PLCXD2: variants seen among roughly 807,000 people sequenced by gnomAD.
PLCXD2 encodes phosphatidylinositol specific phospholipase C X domain containing 2, also known as PI-PLC X domain-containing protein 2.
PLCXD2 carries 21 observed loss-of-function variants against 28.6 expected under a neutral mutation model. The ratio of observed to expected loss-of-function variants is 0.73; its 90% confidence interval spans 0.52 to 1.06. The LOEUF (loss-of-function observed/expected upper bound fraction) is 1.06. Among genes scored for constraint, PLCXD2 ranks in the 50% least tolerant of loss-of-function variants. The pLI, the probability that PLCXD2 is intolerant of heterozygous loss-of-function variation, is 0.00. For missense variants in PLCXD2, 369 were observed against 376.7 expected, an observed-to-expected ratio of 0.98 and a Z score of 0.17; for synonymous variants, 140 against 150.1, an observed-to-expected ratio of 0.93 and a Z score of 0.49.
At chr3:111,708,458 T>C (rs745353135) in intron 2 of PLCXD2, 72 bp downstream of exon 2, 50 of 1,388,090 alleles carry the variant, frequency 3.6e-5, no homozygotes, top group Admixed American at 6.2e-5. Context: ...TATTGCCGTC[T>C]GTAAAATCAC....
intron 3 of PLCXD2, among the ~76,000 whole-genome samples, chr3:111,716,984 C>T (rs1941275180): frequency 6.6e-6 from 1 of 152,066 alleles, no homozygotes; most frequent in Non-Finnish European, 1.5e-5. Flanking sequence ...GGACAGAGGC[C>T]TCAGGAGACA....
rs541493811 is a variant in PLCXD2, at chr3:111,693,585, G to A, written c.164-14341G>A. Among the ~76,000 whole-genome samples, 4 of 152,192 alleles carry A rather than the reference G, an allele frequency of 2.6e-5. No individual in the cohort carries two copies. In the South Asian group the frequency reaches 8.3e-4, roughly 32 times the overall value. ...AGTATCTGTGAAATGCTGTATTCCT[G>A]GTGTTCATCTCATTTTCTACTTCAT... On this transcript the variant is annotated intron_variant, in intron 1 of 4. Transcript: ENST00000477665.
intron 3 of PLCXD2, chr3:111,722,196 T>C (rs1264418174): frequency 9.2e-5 from 14 of 151,718 alleles, no homozygotes; most frequent in African/African-American, 2.4e-4. Context: ...TATTTATTTA[T>C]TTATTTATTT....
At chr3:111,706,147 C>G (rs1941115000) in intron 1 of PLCXD2, among the ~76,000 whole-genome samples, 1 of 152,180 alleles carries the variant, frequency 6.6e-6, no homozygotes, top group Non-Finnish European at 1.5e-5. Flanking sequence ...TCATGAGCTA[C>G]CATGCCCATC....
intron 1 of PLCXD2, among the ~76,000 whole-genome samples, chr3:111,689,534 C>T (rs971124858): frequency 6.6e-6 from 1 of 152,184 alleles, no homozygotes; most frequent in Non-Finnish European, 1.5e-5. Flanking sequence ...CGCTTTGCCT[C>T]GCCAATTACA....
At chr3:111,713,190 A>C (rs1185431331) in intron 2 of PLCXD2, among the ~76,000 whole-genome samples, 2 of 152,282 alleles carry the variant, frequency 1.3e-5, no homozygotes, top group African/African-American at 4.8e-5. Context: ...GCTCAGCCTA[A>C]GAGTTCTCAG....
chr3:111,676,893 T>C (rs1045973633), intron 1 of PLCXD2: 2 of 152,336 alleles, frequency 1.3e-5, no homozygotes, highest in African/African-American at 4.8e-5. Context: ...TCCTTCCTTG[T>C]TGTACTTTGG....
chr3:111,704,724 C>G (rs1941092745), intron 1 of PLCXD2, among the ~76,000 whole-genome samples: 1 of 152,172 alleles, frequency 6.6e-6, no homozygotes, highest in Non-Finnish European at 1.5e-5. Flanking sequence ...ATCCTCTCTT[C>G]TAGCTCTTTG....
chr3:111,724,484 T>C (rs907277052), intron 3 of PLCXD2: 3 of 152,286 alleles, frequency 2.0e-5, no homozygotes, highest in Admixed American at 1.3e-4. Flanking sequence ...TAGTAGAGTA[T>C]TCTGGAATTA....
At chr3:111,713,003 TCTCCCCTGACTCAAGTGGCACA>T (rs1941222091) in intron 2 of PLCXD2, among the ~76,000 whole-genome samples, 2 of 152,080 alleles carry the variant, frequency 1.3e-5, no homozygotes, top group Non-Finnish European at 2.9e-5. Flanking sequence ...CTCTGCAAAG[TCTCCCCTGACTCAAGTGGCACA>T]CTCCCCACTC....
chr3:111,702,929 A>C, intron 1 of PLCXD2, among the ~76,000 whole-genome samples: 1 of 152,216 alleles, frequency 6.6e-6, no homozygotes. Flanking sequence ...TGCAGATTAC[A>C]TGGTTTATAA....
intron 3 of PLCXD2, chr3:111,724,945 A>G (rs1203702147): frequency 2.6e-5 from 4 of 152,202 alleles, no homozygotes; most frequent in East Asian, 1.9e-4. Flanking sequence ...CTCCCCAATC[A>G]TAAGGTCCCT....
chr3:111,688,807 C>T (rs13323806), intron 1 of PLCXD2, among the ~76,000 whole-genome samples: 8,678 of 151,522 alleles, frequency 0.057, 463 homozygotes, highest in African/African-American at 0.14. Context: ...AAGAATTAAA[C>T]AAGATAAATG....
At chr3:111,711,296 C>T (rs1198521072) in intron 2 of PLCXD2, among the ~76,000 whole-genome samples, 4 of 152,096 alleles carry the variant, frequency 2.6e-5, no homozygotes, top group East Asian at 1.9e-4. Flanking sequence ...CCCAGCTACT[C>T]GGCAGGCAGA....
At chr3:111,707,801 T>A (rs1337822457) in intron 1 of PLCXD2, 125 bp from the exon 2 acceptor site, 1 of 871,788 alleles carries the variant, frequency 1.1e-6, no homozygotes, top group African/African-American at 1.7e-5. Flanking sequence ...TTTGCTACTA[T>A]TCATTTGCAG....
chr3:111,708,516 A>C, intron 2 of PLCXD2, 130 bp downstream of exon 2: 1 of 858,052 alleles, frequency 1.2e-6, no homozygotes, highest in Non-Finnish European at 1.8e-6. Flanking sequence ...GGAATATTAA[A>C]CATATGCAAA....
chr3:111,720,651 G>T, intron 3 of PLCXD2, 72 bp from the exon 4 acceptor site: 4 of 416,010 alleles, frequency 9.6e-6, no homozygotes, highest in Non-Finnish European at 1.8e-5. Context: ...AATGTTTTAT[G>T]TCCATGTCTG....
intron 1 of PLCXD2, among the ~76,000 whole-genome samples, chr3:111,688,467 A>C (rs1327516340): frequency 6.6e-6 from 1 of 152,348 alleles, no homozygotes; most frequent in African/African-American, 2.4e-5. Context: ...TGACAGTACC[A>C]CACAAAGTAC....
intron 1 of PLCXD2, among the ~76,000 whole-genome samples, chr3:111,706,594 T>G (rs1941121638): frequency 1.3e-5 from 2 of 151,958 alleles, no homozygotes. Flanking sequence ...ATAATAGCCT[T>G]AAATGTAAAT....
Sources: gnomAD v4.1 joint callset for allele counts (sites outside exome capture counted in the v4.1 genomes callset) on GRCh38, gnomAD v4.1.1 for gene constraint, MANE v1.5 for transcripts, NCBI Gene and HGNC (gene_info 2026-07-23, HGNC 2026-07-21) for gene names.